The following HMG20A variants were observed in gnomAD, a reference collection of about 807,000 sequenced individuals.
HMG20A encodes high mobility group protein 20A.
A neutral mutation model predicts 43.9 loss-of-function variants in HMG20A; 17 were observed. That is an observed-to-expected ratio of 0.39 (90% CI 0.27 to 0.58). HMG20A has a LOEUF of 0.58. Ranked by LOEUF, HMG20A falls within the 20% of genes least tolerant of loss-of-function variation. The pLI is 0.59. For synonymous variants in HMG20A, 132 were observed against 147.5 expected (o/e 0.89, Z 0.76); for missense variants, 341 against 438.2 (o/e 0.78, Z 1.98).
At chr15:77,475,905 C>T (rs748705043) in intron 6 of HMG20A, among the ~76,000 whole-genome samples, 1 of 152,076 alleles carries the variant, frequency 6.6e-6, no homozygotes, top group African/African-American at 2.4e-5. Flanking sequence ...TTGGGACTTT[C>T]GATTGATAAT....
intron 2 of HMG20A, among the ~76,000 whole-genome samples, chr15:77,461,127 G>A (rs1407164519): frequency 1.3e-5 from 2 of 152,146 alleles, no homozygotes; most frequent in African/African-American, 2.4e-5. Flanking sequence ...TTCAAGGGAG[G>A]GGAAAAGATC....
At chr15:77,506,494 T>C in the HMG20A span, among the ~76,000 whole-genome samples, 1 of 152,324 alleles carries the variant, frequency 6.6e-6, no homozygotes, top group Admixed American at 6.5e-5. Flanking sequence ...GCGGCTGCCC[T>C]CTTGACTCCC....
chr15:77,425,866 C>T (rs2073421603), intron 1 of HMG20A, among the ~76,000 whole-genome samples: 1 of 152,114 alleles, frequency 6.6e-6, no homozygotes, highest in African/African-American at 2.4e-5. Flanking sequence ...AAAAGGCAAA[C>T]TCAAATGTCC....
chr15:77,489,882 A>G (rs1213876035), downstream of HMG20A, among the ~76,000 whole-genome samples: 1 of 152,250 alleles, frequency 6.6e-6, no homozygotes, highest in Non-Finnish European at 1.5e-5. Flanking sequence ...AAGATCATGT[A>G]GATCCTCAGA....
chr15:77,498,190 C>T, the HMG20A span, among the ~76,000 whole-genome samples: 10 of 152,140 alleles, frequency 6.6e-5, no homozygotes, highest in Admixed American at 6.5e-4. Context: ...TCTTACCTTC[C>T]AGAAAGACTT....
intron 3 of HMG20A, 157 bp downstream of exon 3, chr15:77,464,544 C>A: frequency 1.7e-6 from 1 of 574,066 alleles, no homozygotes; most frequent in Non-Finnish European, 3.1e-6. Flanking sequence ...TATACGGAAC[C>A]ATATTAATAA....
In HMG20A at chr15:77,479,198, A is replaced by G. The variant is rs2072884721; in HGVS notation, c.927A>G (p.Thr309=). The change falls in exon 9 of 10, where the codon ACA becomes ACG. Residue 309 remains threonine (T), a synonymous_variant. Coordinates refer to ENST00000336216, the MANE Select transcript of HMG20A (RefSeq NM_001304504.2). ...CTTCAGGAAGTGGAGAGACACCTACAGTGGACACCATTGACTCATATATGA... is the reference window on the plus strand; with the variant it reads ...CTTCAGGAAGTGGAGAGACACCTACGGTGGACACCATTGACTCATATATGA... The part of the protein sequence containing the change: ...MPLPGSGETP[T]VDTIDSYMNR... The G allele has an allele frequency of 2.5e-6, 4 of 1,613,722 alleles. No homozygotes were observed. The highest frequency in any genetic ancestry group is 3.4e-6 in the Non-Finnish European group (4 of 1,179,684).
intron 1 of HMG20A, among the ~76,000 whole-genome samples, chr15:77,433,804 T>C (rs1006574373): frequency 1.3e-5 from 2 of 152,216 alleles, no homozygotes; most frequent in Admixed American, 6.5e-5. Flanking sequence ...TGTAAAGATA[T>C]CATTTCTCTC....
Position 77,470,911 on chromosome 15 carries a change from G to A in HMG20A, c.452G>A (p.Arg151His), listed in dbSNP as rs759909705. 20 of 1,566,136 alleles carry A rather than the reference G, an allele frequency of 1.3e-5. No homozygotes were observed. Among genetic ancestry groups the A allele is most frequent in the Admixed American group, 4.1e-5 (2 of 49,246 alleles). The change falls in exon 5 of 10, where the codon CGC (arginine) becomes CAC (histidine). Residue 151 changes from arginine (R) to histidine (H), a missense_variant and splice_region_variant. By Grantham distance (29) the Arg-to-His change is conservative. This residue lies in a region of HMG20A where 220 missense variants were observed against 263.6 expected (regional missense o/e 0.83). Transcript: ENST00000336216. ...WSKLPPEEKQ[R>H]YLDEADRDKE... The stretch of plus-strand genomic sequence containing the variant: ...AATAATTCTGTATTTCTTTCCTAGC[G>A]CTACCTTGATGAAGCAGACAGAGAT...
intron 1 of HMG20A, among the ~76,000 whole-genome samples, chr15:77,457,499 C>G (rs1251610877): frequency 1.6e-4 from 25 of 152,236 alleles, no homozygotes; most frequent in Admixed American, 1.6e-3. Flanking sequence ...GAAGGGAAGA[C>G]TGCTGCTTTT....
At chr15:77,486,681 C>T (rs2072947188), downstream of HMG20A, among the ~76,000 whole-genome samples, 1 of 152,228 alleles carries the variant, frequency 6.6e-6, no homozygotes, top group Non-Finnish European at 1.5e-5. Context: ...CTGCTGCTCT[C>T]CAAGTAGCCA....
At chr15:77,478,626 T>C (rs960112776) in intron 8 of HMG20A, 116 bp downstream of exon 8, 8 of 752,902 alleles carry the variant, frequency 1.1e-5, no homozygotes, top group African/African-American at 5.3e-5. Context: ...AGAGGAAAAT[T>C]AATTAAACTA....
the HMG20A span, among the ~76,000 whole-genome samples, chr15:77,497,682 A>AGAGAGAGAGAGAGTGT: frequency 1.8e-4 from 21 of 118,982 alleles, no homozygotes; most frequent in African/African-American, 6.4e-4. Flanking sequence ...AGAGAGAGAG[A>AGAGAGAGAGAGAGTGT]GTGTGTGTGT....
downstream of HMG20A, among the ~76,000 whole-genome samples, chr15:77,488,393 G>A (rs996021380): frequency 6.6e-6 from 1 of 152,112 alleles, no homozygotes; most frequent in African/African-American, 2.4e-5. Flanking sequence ...GGACAGACTT[G>A]TACATAAATA....
At chr15:77,514,007 A>G in the HMG20A span, among the ~76,000 whole-genome samples, 21 of 152,332 alleles carry the variant, frequency 1.4e-4, no homozygotes, top group South Asian at 4.3e-3. Context: ...TACAAGCGTG[A>G]GCCACCACAC....
rs1025048488 is a variant in HMG20A, at chr15:77,466,979, A to G, written c.238-116A>G. On this transcript the variant is annotated intron_variant, in intron 3 of 9. Transcript: ENST00000336216. ...TGGAGAGCTTTGAATATCCAGGGCC[A>G]AATTGCAACTCTTAATCCTGTTTTG... is the stretch of plus-strand genomic sequence containing the variant. 54 of 822,746 alleles carry G rather than the reference A, an allele frequency of 6.6e-5. No individual in the cohort carries two copies. The South Asian group carries it at 9.4e-4, about 14-fold the overall frequency. 51.0% of individuals were successfully genotyped at this position (822,746 alleles called of 1,614,324 possible).
At chr15:77,496,419 G>A in the HMG20A span, among the ~76,000 whole-genome samples, 2 of 152,150 alleles carry the variant, frequency 1.3e-5, no homozygotes, top group Non-Finnish European at 2.9e-5. Context: ...CCCCTGGGTT[G>A]GCTTCAGCTC....
At chr15:77,438,167 C>G (rs911501904) in intron 1 of HMG20A, among the ~76,000 whole-genome samples, 4 of 119,618 alleles carry the variant, frequency 3.3e-5, no homozygotes, top group African/African-American at 1.3e-4. Context: ...TTTTTAGAGA[C>G]AGGATCTGGC....
chr15:77,446,062 T>G (rs1391388749), intron 1 of HMG20A, among the ~76,000 whole-genome samples: 1 of 152,236 alleles, frequency 6.6e-6, no homozygotes, highest in Non-Finnish European at 1.5e-5. Flanking sequence ...CCTACCTTAG[T>G]ATGAATCTGG....
Sources: gnomAD v4.1 joint callset for allele counts (sites outside exome capture counted in the v4.1 genomes callset) on GRCh38, gnomAD v4.1.1 for gene constraint, gnomAD v4.1.1 regional missense constraint, MANE v1.5 for transcripts, NCBI Gene and HGNC (gene_info 2026-07-23, HGNC 2026-07-21) for gene names.